The following MIDEAS variants were observed in gnomAD, a reference collection of about 807,000 sequenced individuals.
MIDEAS encodes the protein mitotic deacetylase-associated SANT domain protein.
Under a neutral mutation model 102.7 loss-of-function variants are expected in MIDEAS, and 26 were observed. The ratio of observed to expected loss-of-function variants is 0.25; its 90% CI spans 0.19 to 0.35. The LOEUF (loss-of-function observed/expected upper bound fraction) is 0.35. Among genes scored for constraint, MIDEAS ranks in the 10% least tolerant of loss-of-function variants. The pLI, the probability that MIDEAS is intolerant of heterozygous loss-of-function variation, is 1.00. For missense variants in MIDEAS, 1,231 were observed against 1,435.6 expected (o/e 0.86, Z 2.30); for synonymous variants, 585 against 591.0 (o/e 0.99, Z 0.15).
At chr14:73,727,884 C>G (rs1275200936) in intron 4 of MIDEAS, 1 of 196,756 alleles carries the variant, frequency 5.1e-6, no homozygotes, top group African/African-American at 2.3e-5. Context: ...AACACTAACT[C>G]CAACATAAAG....
At chr14:73,721,648 G>A in intron 10 of MIDEAS, 139 bp from the exon 11 acceptor site, 1 of 676,778 alleles carries the variant, frequency 1.5e-6, no homozygotes, top group East Asian at 2.6e-5. Flanking sequence ...TTCTGTACTA[G>A]GACTCTGGAC....
intron 7 of MIDEAS, 147 bp downstream of exon 7, chr14:73,726,457 G>C: frequency 1.3e-6 from 1 of 759,000 alleles, no homozygotes; most frequent in Non-Finnish European, 2.1e-6. Context: ...GGCTCCCTTG[G>C]GTCAAGCCCC....
At chr14:73,773,454 A>C (rs1000476091) in intron 1 of MIDEAS, among the ~76,000 whole-genome samples, 3 of 151,772 alleles carry the variant, frequency 2.0e-5, no homozygotes, top group African/African-American at 7.3e-5. Context: ...CAGATCCCAC[A>C]TTCTGTCCTT....
At chr14:73,789,474 C>T (rs2053849194), upstream of MIDEAS, among the ~76,000 whole-genome samples, 1 of 152,228 alleles carries the variant, frequency 6.6e-6, no homozygotes, top group Non-Finnish European at 1.5e-5. Flanking sequence ...TCGGGCCCTT[C>T]AGGCAGAGGC....
At chr14:73,763,114 G>C (rs10147361), upstream of MIDEAS, among the ~76,000 whole-genome samples, 60,849 of 151,992 alleles carry the variant, frequency 0.4, 12,461 homozygotes, top group Non-Finnish European at 0.45. Flanking sequence ...GGCAGGAGGA[G>C]TGCTTGAGCG....
intron 1 of MIDEAS, among the ~76,000 whole-genome samples, chr14:73,777,157 C>T (rs970378348): frequency 6.6e-6 from 1 of 151,914 alleles, no homozygotes; most frequent in African/African-American, 2.4e-5. Context: ...CGCAGCCTAG[C>T]CTTTGCCTCT....
chr14:73,721,352 C>A lies in MIDEAS; in HGVS notation c.2882G>T (p.Arg961Leu), dbSNP rs758867456. The A allele has an allele frequency of 1.2e-6, 2 of 1,614,068 alleles. No individual in the cohort carries two copies. The highest frequency in any genetic ancestry group is 1.7e-6 in the Non-Finnish European group (2 of 1,180,042). The change falls in exon 11 of 13, where the codon CGC (arginine) becomes CTC (leucine). Residue 961 changes from arginine (R) to leucine (L), a missense_variant. By Grantham distance (102) the Arg-to-Leu change is moderately radical. Transcript: ENST00000423556. ...EKEEQEEGRE[R>L]SRRAAAVKAT... The stretch of plus-strand genomic sequence containing the variant: ...TTTGACTGCCGCTGCCCGCCTGCTG[C>A]GCTCTCGCCCCTCTTCCTGCTCCTC...
intron 3 of MIDEAS, among the ~76,000 whole-genome samples, chr14:73,732,523 C>T (rs901310770): frequency 4.6e-5 from 7 of 152,158 alleles, no homozygotes; most frequent in African/African-American, 1.4e-4. Context: ...TGGTGGCTCA[C>T]GCCTGTAATC....
At chr14:73,761,442 AC>A (rs370080359), upstream of MIDEAS, among the ~76,000 whole-genome samples, 22 of 152,270 alleles carry the variant, frequency 1.4e-4, no homozygotes, top group African/African-American at 3.6e-4. Flanking sequence ...TGGCTGGAGC[AC>A]CTGCGTACAT....
Position 73,726,916 on chromosome 14 carries a change from G to A in MIDEAS, c.2219C>T (p.Ala740Val). ...CTTGTGGGGATCTGCAGCTGCCAGG[G>A]CACGGTCCCTCATCAAGGGGATTTC... ...QAEIPLMRDR[A>V]LAAADPHKAD... Residue 740 changes from alanine to valine, a missense_variant, in exon 6 of 13, where the codon GCC (alanine) becomes GTC (valine). Ala to Val is a moderately conservative substitution (Grantham distance 64). This residue lies in a region of MIDEAS where 391 missense variants were observed against 483.0 expected (regional missense o/e 0.81). Coordinates refer to ENST00000423556, the MANE Select transcript of MIDEAS (RefSeq NM_001367710.1). The A allele has an allele frequency of 3.1e-6, 5 of 1,613,806 alleles. No homozygotes were observed. The highest frequency in any genetic ancestry group is 4.2e-6 in the Non-Finnish European group (5 of 1,179,744).
chr14:73,762,090 C>G (rs2053559390), upstream of MIDEAS, among the ~76,000 whole-genome samples: 2 of 152,202 alleles, frequency 1.3e-5, no homozygotes. Flanking sequence ...CTCCAGTGCC[C>G]ACTGCTGCCA....
rs1041311449 is a variant in MIDEAS at position 73,718,996 on chromosome 14, C to T, written c.3147G>A (p.Lys1049=). ...PCKKCGRVFY[K]VKSRSAHMKS... ...TCATATGCGCACTGCGGCTCTTCAC[C>T]TTGTAAAACACCCTGCAGCCGGGTG... The change falls in exon 13 of 13, where the codon AAG becomes AAA. Residue 1049 remains lysine (K), a synonymous_variant. Transcript: ENST00000423556. The T allele has an allele frequency of 1.7e-5, 26 of 1,490,264 alleles. No homozygotes were observed. Among genetic ancestry groups the T allele is most frequent in the Middle Eastern group, 1.7e-4 (1 of 5,778 alleles). 92.3% of individuals were successfully genotyped at this position (1,490,264 alleles called of 1,614,324 possible). A position where few individuals can be genotyped will look rare whatever the true frequency, so the allele number is the denominator to read the frequency against.
chr14:73,789,580 C>G (rs1190246439), upstream of MIDEAS, among the ~76,000 whole-genome samples: 1 of 152,156 alleles, frequency 6.6e-6, no homozygotes, highest in Non-Finnish European at 1.5e-5. Context: ...ATTACATGGC[C>G]ACAAATAACA....
chr14:73,727,813 C>T (rs1243237666), intron 4 of MIDEAS: 3 of 347,604 alleles, frequency 8.6e-6, no homozygotes, highest in Non-Finnish European at 1.6e-5. Flanking sequence ...GCCTGGCACT[C>T]GATAAAGATT....
chr14:73,744,445 G>C (rs556678146), intron 1 of MIDEAS, among the ~76,000 whole-genome samples: 1 of 152,332 alleles, frequency 6.6e-6, no homozygotes, highest in African/African-American at 2.4e-5. Context: ...CTCTGACCTG[G>C]GGATAACAGC....
chr14:73,757,287 A>AAAAAAAAC (rs1285913781), intron 1 of MIDEAS, among the ~76,000 whole-genome samples: 1 of 150,336 alleles, frequency 6.7e-6, no homozygotes, highest in Non-Finnish European at 1.5e-5. Context: ...ACCAAAAAAA[A>AAAAAAAAC]AAAAAAACAC....
At chr14:73,745,655 G>A (rs899202842) in intron 1 of MIDEAS, among the ~76,000 whole-genome samples, 35 of 152,106 alleles carry the variant, frequency 2.3e-4, no homozygotes, top group African/African-American at 7.2e-4. Context: ...AGTTGCCCAG[G>A]CCCTAGACAA....
At chr14:73,719,242 C>CCCCCCT in intron 12 of MIDEAS, 63 bp downstream of exon 12, 1 of 1,532,650 alleles carries the variant, frequency 6.5e-7, no homozygotes, top group Admixed American at 2.0e-5. Context: ...CTCCACCCCA[C>CCCCCCT]CCCCGCCCCC....
At chr14:73,726,154 G>A (rs889677689) in intron 7 of MIDEAS, 46 bp from the exon 8 acceptor site, 24 of 1,440,616 alleles carry the variant, frequency 1.7e-5, no homozygotes, top group African/African-American at 2.8e-5. Context: ...CAGGGGTGTC[G>A]GTGGTGGACG....
Sources: gnomAD v4.1 joint callset for allele counts (sites outside exome capture counted in the v4.1 genomes callset) on GRCh38, gnomAD v4.1.1 for gene constraint, gnomAD v4.1.1 regional missense constraint, MANE v1.5 for transcripts, NCBI Gene and HGNC (gene_info 2026-07-23, HGNC 2026-07-21) for gene names.